ARHGAP42: variants seen among roughly 807,000 people sequenced by gnomAD.
ARHGAP42 encodes Rho GTPase activating protein 42.
ARHGAP42 carries 63 observed loss-of-function variants against 125.0 expected under a neutral mutation model. The observed-to-expected ratio is 0.50, with a 90% confidence interval of 0.41 to 0.62. The LOEUF is 0.62. Among genes scored for constraint, ARHGAP42 ranks in the 20% least tolerant of loss-of-function variants. ARHGAP42 has a pLI of 0.00. For synonymous variants in ARHGAP42, 339 were observed against 351.0 expected (o/e 0.97, Z 0.38); for missense variants, 766 against 1,024.2 (o/e 0.75, Z 3.44).
intron 1 of ARHGAP42, among the ~76,000 whole-genome samples, chr11:100,726,080 T>TAA (rs34713091): frequency 0.19 from 23,507 of 125,208 alleles, 2,194 homozygotes; most frequent in East Asian, 0.27. Context: ...CTTGTCTCTC[T>TAA]AAAAAAAAAA....
Position 100,989,231 on chromosome 11 carries a change from T to C in ARHGAP42, c.*430T>C. On this transcript the variant is annotated 3_prime_UTR_variant, in exon 24 of 24. Transcript: ENST00000298815. ...TTACTTAAAAATGTAATTTAAATTG[T>C]TCATTTATTGTTTTTTTTTTCTTAG... The C allele has an allele frequency of 2.5e-6, 1 of 397,888 alleles. No homozygotes were observed. Among genetic ancestry groups the C allele is most frequent in the Non-Finnish European group, 4.4e-6 (1 of 225,678 alleles). 24.6% of individuals were successfully genotyped at this position (397,888 alleles called of 1,614,324 possible). A position where few individuals can be genotyped will look rare whatever the true frequency, so the allele number is the denominator to read the frequency against.
At chr11:100,877,520 A>T (rs61890820) in intron 4 of ARHGAP42, among the ~76,000 whole-genome samples, 2 of 152,194 alleles carry the variant, frequency 1.3e-5, no homozygotes, top group Non-Finnish European at 2.9e-5. Context: ...ATGAAAGACT[A>T]TGGTTTCTCA....
At chr11:100,793,673 T>C (rs1591185714) in intron 2 of ARHGAP42, among the ~76,000 whole-genome samples, 1 of 94,754 alleles carries the variant, frequency 1.1e-5, no homozygotes, top group Non-Finnish European at 2.2e-5. Context: ...TTTTCTCACT[T>C]ACTTGTCTTT....
At chr11:100,803,531 C>T (rs924426221) in intron 3 of ARHGAP42, among the ~76,000 whole-genome samples, 3 of 152,172 alleles carry the variant, frequency 2.0e-5, no homozygotes, top group African/African-American at 7.2e-5. Context: ...AATAGGAGAA[C>T]TGAGAGGAAG....
intron 4 of ARHGAP42, among the ~76,000 whole-genome samples, chr11:100,885,268 G>T (rs1052751826): frequency 5.3e-5 from 8 of 152,198 alleles, no homozygotes; most frequent in Admixed American, 4.6e-4. Flanking sequence ...GGGCCGCTTC[G>T]ATTGGGTATC....
intron 4 of ARHGAP42, among the ~76,000 whole-genome samples, chr11:100,905,938 T>C (rs688664): frequency 0.91 from 138,493 of 152,306 alleles, 63,134 homozygotes; most frequent in East Asian, 1. Context: ...GATGTTGCCA[T>C]GGCACTCTGG....
rs143336520 is a variant in ARHGAP42 at position 100,980,355 on chromosome 11, G to A, written c.2456+1306G>A. Among the ~76,000 whole-genome samples, 40 of 152,042 alleles carry A rather than the reference G, an allele frequency of 2.6e-4. 1 individual carries two copies. In the Middle Eastern group the frequency reaches 0.01, roughly 39 times the overall value. ...ACTTCTTCTGCCATGCTACGTAGTT[G>A]AATTGCTCACTAGATGGAGCCCTTT... On this transcript the variant is annotated intron_variant, in intron 22 of 23. Coordinates refer to ENST00000298815, the MANE Select transcript of ARHGAP42 (RefSeq NM_152432.4).
At chr11:100,892,251 G>T (rs141576525) in intron 4 of ARHGAP42, among the ~76,000 whole-genome samples, 7 of 152,302 alleles carry the variant, frequency 4.6e-5, no homozygotes, top group African/African-American at 1.7e-4. Context: ...ACAAGACCTT[G>T]AGGAAGATCA....
At chr11:100,857,197 C>T (rs546995269) in intron 3 of ARHGAP42, among the ~76,000 whole-genome samples, 82 of 151,428 alleles carry the variant, frequency 5.4e-4, no homozygotes, top group African/African-American at 1.3e-3. Context: ...TTTCTTCCTT[C>T]GGTTTAACAT....
At position 100,687,641 on chromosome 11, in the gene ARHGAP42, C is replaced by T. The variant is rs1297622194; in HGVS notation, c.-38C>T. 5.0e-6 allele frequency: 7 copies of T among 1,393,490 alleles called. No individual in the cohort carries two copies. The South Asian group carries it at 8.0e-5, about 16-fold the overall frequency. 86.3% of individuals were successfully genotyped at this position (1,393,490 alleles called of 1,614,324 possible). On this transcript the variant is annotated 5_prime_UTR_variant, in exon 1 of 24. Coordinates refer to ENST00000298815, the MANE Select transcript of ARHGAP42 (RefSeq NM_152432.4). The stretch of plus-strand genomic sequence containing the variant: ...GCTGCCCCCGCCCTGACCTCCGGCC[C>T]GGACGTGTCCGCGGCCGCCGCTGGC...
At chr11:100,746,486 A>G (rs1862308635) in intron 1 of ARHGAP42, among the ~76,000 whole-genome samples, 1 of 152,250 alleles carries the variant, frequency 6.6e-6, no homozygotes, top group Non-Finnish European at 1.5e-5. Flanking sequence ...ACACAAGCAT[A>G]ACAATTGCCT....
At chr11:100,929,724 A>G (rs938650375) in intron 6 of ARHGAP42, among the ~76,000 whole-genome samples, 11 of 152,098 alleles carry the variant, frequency 7.2e-5, no homozygotes, top group South Asian at 2.1e-4. Flanking sequence ...TGCCTATTCA[A>G]TTTCTTTGCC....
At chr11:100,813,029 A>G (rs908661801) in intron 3 of ARHGAP42, among the ~76,000 whole-genome samples, 32 of 152,206 alleles carry the variant, frequency 2.1e-4, no homozygotes, top group African/African-American at 7.5e-4. Context: ...GATAATTTGC[A>G]CCAGGATGAA....
At chr11:100,715,871 A>G (rs1861651757) in intron 1 of ARHGAP42, among the ~76,000 whole-genome samples, 1 of 152,186 alleles carries the variant, frequency 6.6e-6, no homozygotes, top group Non-Finnish European at 1.5e-5. Context: ...CATAATACAG[A>G]TATGTGAAAA....
intron 15 of ARHGAP42, 22 bp from the exon 16 acceptor site, chr11:100,962,385 ATG>A: frequency 6.5e-7 from 1 of 1,543,636 alleles, no homozygotes; most frequent in South Asian, 1.2e-5. Context: ...CTATTCTAAC[ATG>A]TGTTTCCTTT....
intron 2 of ARHGAP42, among the ~76,000 whole-genome samples, chr11:100,770,883 G>A (rs1210148300): frequency 3.9e-5 from 6 of 152,164 alleles, no homozygotes. Context: ...TTGGCCTAAA[G>A]AAAATATTAT....
chr11:100,729,811 C>CTT (rs1218377976), intron 1 of ARHGAP42, among the ~76,000 whole-genome samples: 130 of 133,672 alleles, frequency 9.7e-4, no homozygotes, highest in African/African-American at 2.8e-3. Context: ...AAATTTCTTT[C>CTT]TTTTTTTTTT....
At chr11:100,961,862 G>A in intron 15 of ARHGAP42, 94 bp downstream of exon 15, 2 of 990,684 alleles carry the variant, frequency 2.0e-6, no homozygotes, top group South Asian at 3.1e-5. Context: ...GTGTCCAGAA[G>A]CTTCACTCAG....
At chr11:100,909,185 CT>C (rs1866837861) in intron 4 of ARHGAP42, among the ~76,000 whole-genome samples, 1 of 151,982 alleles carries the variant, frequency 6.6e-6, no homozygotes, top group African/African-American at 2.4e-5. Context: ...TGTAGGTAGT[CT>C]TTTTACTTGT....
Sources: gnomAD v4.1 joint callset for allele counts (sites outside exome capture counted in the v4.1 genomes callset) on GRCh38, gnomAD v4.1.1 for gene constraint, MANE v1.5 for transcripts, NCBI Gene and HGNC (gene_info 2026-07-23, HGNC 2026-07-21) for gene names.